PLXNC1: variants seen among roughly 807,000 people sequenced by gnomAD.
PLXNC1 encodes plexin-C1.
PLXNC1 carries 75 observed loss-of-function variants against 178.2 expected under a neutral mutation model. That is an observed-to-expected ratio of 0.42 (90% confidence interval 0.35 to 0.51). PLXNC1 has a LOEUF of 0.51. Among genes scored for constraint, PLXNC1 ranks in the 20% least tolerant of loss-of-function variants. The pLI is 0.02. For missense variants in PLXNC1, 1,503 were observed against 1,984.4 expected, an observed-to-expected ratio of 0.76 and a Z score of 4.61; for synonymous variants, 790 against 779.9, an observed-to-expected ratio of 1.01 and a Z score of -0.22.
intron 1 of PLXNC1, chr12:94,150,977 A>T (rs1172612237): frequency 1.3e-5 from 2 of 152,054 alleles, no homozygotes; most frequent in African/African-American, 4.8e-5. Flanking sequence ...GGTCCAGTTG[A>T]TGGGGATTAT....
rs575955439 is a variant in PLXNC1 at position 94,154,391 on chromosome 12, G to A, written c.1062+4358G>A. ...TATTACTATTAATAATCATGATGGT[G>A]ATGATAGTAAAGACATCCAAAGCAC... On this transcript the variant is annotated intron_variant, in intron 1 of 30. Transcript: ENST00000258526. Among the ~76,000 whole-genome samples the A allele has an allele frequency of 1.2e-4, 19 of 152,282 alleles. No homozygotes were observed. In the South Asian group the frequency reaches 3.5e-3, roughly 28 times the overall value.
intron 4 of PLXNC1, among the ~76,000 whole-genome samples, chr12:94,208,337 G>A (rs1368222510): frequency 1.3e-5 from 2 of 152,202 alleles, no homozygotes; most frequent in Non-Finnish European, 2.9e-5. Flanking sequence ...ATGACGTTTA[G>A]TGAAACTCAC....
At chr12:94,212,428 A>C (rs940569793) in intron 5 of PLXNC1, among the ~76,000 whole-genome samples, 3 of 152,096 alleles carry the variant, frequency 2.0e-5, no homozygotes, top group African/African-American at 7.2e-5. Flanking sequence ...TGCACCCATC[A>C]GCTCGTCATT....
chr12:94,296,118 C>T (rs1967896729), intron 24 of PLXNC1, among the ~76,000 whole-genome samples: 1 of 152,176 alleles, frequency 6.6e-6, no homozygotes, highest in Non-Finnish European at 1.5e-5. Context: ...CTTTTCCTCT[C>T]CATCTACTCC....
At chr12:94,266,329 C>T (rs1215123777) in intron 21 of PLXNC1, among the ~76,000 whole-genome samples, 2 of 152,196 alleles carry the variant, frequency 1.3e-5, no homozygotes, top group African/African-American at 2.4e-5. Flanking sequence ...AGCTGCCATC[C>T]GAGAGCGGGA....
At position 94,265,243 on chromosome 12, in the gene PLXNC1, C is replaced by G. The variant is rs777706773; in HGVS notation, c.3597+18C>G. ...GTACTGTGGTATGTTTTCAATAAAG[C>G]TCCCAGCCAGACTCCCAAATAAATC... On this transcript the variant is annotated intron_variant, in intron 21 of 30. Coordinates refer to ENST00000258526, the MANE Select transcript of PLXNC1 (RefSeq NM_005761.3). 5 of 1,578,680 alleles carry G rather than the reference C, an allele frequency of 3.2e-6. No individual in the cohort carries two copies. The highest frequency in any genetic ancestry group is 2.3e-5 in the South Asian group (2 of 88,782).
intron 12 of PLXNC1, among the ~76,000 whole-genome samples, chr12:94,244,447 A>G (rs894434718): frequency 2.0e-5 from 3 of 152,214 alleles, no homozygotes; most frequent in African/African-American, 7.2e-5. Flanking sequence ...TGACTTGCCA[A>G]GGTCCCAGAA....
At chr12:94,163,858 A>G (rs564485536) in intron 1 of PLXNC1, among the ~76,000 whole-genome samples, 1 of 152,254 alleles carries the variant, frequency 6.6e-6, no homozygotes, top group East Asian at 1.9e-4. Context: ...GAGAAAAGCA[A>G]CCCGAGCCTT....
chr12:94,239,474 GT>G (rs1414406487), intron 10 of PLXNC1, among the ~76,000 whole-genome samples: 1 of 152,212 alleles, frequency 6.6e-6, no homozygotes, highest in Admixed American at 6.5e-5. Context: ...TGACTCAGAT[GT>G]TTTTGAATTT....
At chr12:94,232,143 G>A (rs924852778) in intron 9 of PLXNC1, among the ~76,000 whole-genome samples, 8 of 152,148 alleles carry the variant, frequency 5.3e-5, no homozygotes, top group African/African-American at 1.7e-4. Flanking sequence ...GTGGAGTGCA[G>A]TGGCACAATC....
intron 28 of PLXNC1, among the ~76,000 whole-genome samples, chr12:94,301,912 C>T (rs577007232): frequency 1.7e-4 from 26 of 152,224 alleles, no homozygotes; most frequent in Non-Finnish European, 3.1e-4. Context: ...TATTGGTTAC[C>T]ACTTACTTCT....
At chr12:94,184,016 A>C (rs1239046621) in intron 3 of PLXNC1, among the ~76,000 whole-genome samples, 1 of 152,230 alleles carries the variant, frequency 6.6e-6, no homozygotes, top group Admixed American at 6.5e-5. Flanking sequence ...GGGCCGCTAA[A>C]AATAATCATA....
At chr12:94,277,674 A>G (rs1271684664) in intron 21 of PLXNC1, 1 of 324,006 alleles carries the variant, frequency 3.1e-6, no homozygotes, top group South Asian at 2.4e-5. Flanking sequence ...TTATTCAGAG[A>G]TACTGAGCAT....
intron 4 of PLXNC1, among the ~76,000 whole-genome samples, chr12:94,191,262 CAT>C (rs1201701854): frequency 6.6e-6 from 1 of 152,200 alleles, no homozygotes; most frequent in African/African-American, 2.4e-5. Flanking sequence ...ATCTGTGACT[CAT>C]ATGAAGCTCC....
At chr12:94,168,227 A>C (rs537094753) in intron 1 of PLXNC1, 1 of 152,306 alleles carries the variant, frequency 6.6e-6, no homozygotes, top group South Asian at 2.1e-4. Flanking sequence ...AAAGTGTGCT[A>C]TCACACTGTG....
intron 2 of PLXNC1, among the ~76,000 whole-genome samples, chr12:94,180,528 C>T (rs904275408): frequency 3.3e-5 from 5 of 152,152 alleles, no homozygotes; most frequent in Non-Finnish European, 7.3e-5. Context: ...ATTTTGTTCA[C>T]TGCCATTTTT....
chr12:94,183,770 A>G (rs541279628), intron 3 of PLXNC1, among the ~76,000 whole-genome samples: 48 of 152,306 alleles, frequency 3.2e-4, no homozygotes, highest in Non-Finnish European at 5.4e-4. Context: ...CTAGAAAGCA[A>G]AAAGTTCTAG....
intron 1 of PLXNC1, chr12:94,150,796 A>T (rs1960934301): frequency 2.0e-5 from 3 of 152,344 alleles, no homozygotes; most frequent in Admixed American, 2.0e-4. Context: ...GGGGTGCTAC[A>T]GGCAGTTTCT....
In PLXNC1 at chr12:94,196,788, C is replaced by T. The variant is rs144114699; in HGVS notation, c.1439+10315C>T. 1.6e-3 allele frequency among the ~76,000 whole-genome samples: 245 copies of T among 152,328 alleles called. 1 individual carries two copies. The highest frequency in any genetic ancestry group is 5.6e-3 in the African/African-American group (232 of 41,570). On this transcript the variant is annotated intron_variant, in intron 4 of 30. Transcript: ENST00000258526. ...TACATTAGACACTACCTTGCACGTT[C>T]TGTGCCATGTTCCATTTAGTCCTCC... is the stretch of plus-strand genomic sequence containing the variant.
Sources: gnomAD v4.1 joint callset for allele counts (sites outside exome capture counted in the v4.1 genomes callset) on GRCh38, gnomAD v4.1.1 for gene constraint, MANE v1.5 for transcripts, NCBI Gene and HGNC (gene_info 2026-07-23, HGNC 2026-07-21) for gene names.